The following MLLT3 variants were observed in gnomAD, a reference collection of about 807,000 sequenced individuals.
The protein encoded by MLLT3 is protein AF-9.
MLLT3 carries 4 observed loss-of-function variants against 53.2 expected under a neutral mutation model. The observed-to-expected ratio is 0.08, with a 90% confidence interval of 0.04 to 0.17. MLLT3 has a LOEUF of 0.17. Ranked by LOEUF, MLLT3 falls within the 10% of genes least tolerant of loss-of-function variation. The pLI is 1.00. For missense variants in MLLT3, 569 were observed against 684.0 expected (o/e 0.83, Z 1.87); for synonymous variants, 283 against 230.6 (o/e 1.23, Z -2.06).
Position 20,346,498 on chromosome 9 carries a change from T to G in MLLT3, c.1652A>C (p.Asp551Ala). Reference sequence around the variant, plus strand: ...CTGTAGTTTACGGACTGTGGTTTTGTCCAGCGAGCAAAGATCAAAATCAAA... The same window carrying G: ...CTGTAGTTTACGGACTGTGGTTTTGGCCAGCGAGCAAAGATCAAAATCAAA... Reference protein sequence around the residue: ...TTFDFDLCSLDKTTVRKLQSY... With the variant: ...TTFDFDLCSLAKTTVRKLQSY... The change falls in exon 11 of 11, where the codon GAC becomes GCC. Residue 551 changes from aspartate to alanine, a missense_variant. Transcript: ENST00000380338. 1 of 1,613,806 alleles carries G rather than the reference T, an allele frequency of 6.2e-7. No individual in the cohort carries two copies. The highest frequency in any genetic ancestry group is 8.5e-7 in the Non-Finnish European group (1 of 1,179,780).
intron 2 of MLLT3, among the ~76,000 whole-genome samples, chr9:20,520,475 G>C (rs1024077056): frequency 1.3e-5 from 2 of 152,156 alleles, no homozygotes; most frequent in African/African-American, 4.8e-5. Context: ...TACCAGCTAA[G>C]TTCCATCCTA....
intron 2 of MLLT3, among the ~76,000 whole-genome samples, chr9:20,509,907 C>A (rs747456288): frequency 3.2e-4 from 48 of 149,756 alleles, no homozygotes; most frequent in Non-Finnish European, 6.2e-4. Flanking sequence ...CCACCACTTA[C>A]AAACTTAGGC....
chr9:20,506,588 C>G (rs1825387087), intron 2 of MLLT3, among the ~76,000 whole-genome samples: 1 of 151,980 alleles, frequency 6.6e-6, no homozygotes, highest in African/African-American at 2.4e-5. Context: ...TTATGCATTC[C>G]AAATCACATG....
intron 2 of MLLT3, among the ~76,000 whole-genome samples, chr9:20,529,810 T>C (rs1460998273): frequency 6.8e-6 from 1 of 147,078 alleles, no homozygotes; most frequent in Non-Finnish European, 1.5e-5. Context: ...CCTTTAACAA[T>C]TCCCCTGCCT....
intron 2 of MLLT3, among the ~76,000 whole-genome samples, chr9:20,491,612 G>T (rs183276644): frequency 2.8e-4 from 42 of 152,188 alleles, no homozygotes; most frequent in Admixed American, 2.0e-3. Context: ...AATTTAAAAA[G>T]AATTTGAGTT....
chr9:20,617,353 A>G (rs1243796516), intron 2 of MLLT3, among the ~76,000 whole-genome samples: 1 of 152,190 alleles, frequency 6.6e-6, no homozygotes, highest in African/African-American at 2.4e-5. Flanking sequence ...GTTAGAGTGG[A>G]TTTATTAAGC....
At chr9:20,471,816 T>C (rs1446432293) in intron 2 of MLLT3, among the ~76,000 whole-genome samples, 1 of 150,818 alleles carries the variant, frequency 6.6e-6, no homozygotes, top group Non-Finnish European at 1.5e-5. Context: ...ATTCTGCCCC[T>C]AAGGATGTCA....
chr9:20,617,313 A>C (rs1427919251), intron 2 of MLLT3, among the ~76,000 whole-genome samples: 1 of 152,218 alleles, frequency 6.6e-6, no homozygotes, highest in African/African-American at 2.4e-5. Context: ...CTATGCAGTA[A>C]AGCTGGCCTC....
chr9:20,420,345 G>A (rs1460396008), intron 4 of MLLT3, among the ~76,000 whole-genome samples: 1 of 152,092 alleles, frequency 6.6e-6, no homozygotes, highest in Non-Finnish European at 1.5e-5. Flanking sequence ...ATCAGATAAA[G>A]GCTGTTACAA....
chr9:20,402,217 A>G (rs1379902332), intron 5 of MLLT3, among the ~76,000 whole-genome samples: 1 of 152,186 alleles, frequency 6.6e-6, no homozygotes, highest in Non-Finnish European at 1.5e-5. Flanking sequence ...CTACATTAGG[A>G]TCTGGAAGGC....
chr9:20,519,471 A>C (rs1818001504), intron 2 of MLLT3, among the ~76,000 whole-genome samples: 1 of 152,204 alleles, frequency 6.6e-6, no homozygotes, highest in East Asian at 1.9e-4. Flanking sequence ...GGCCATATTA[A>C]GAGCCATATA....
At position 20,365,823 on chromosome 9, in the gene MLLT3, T is replaced by C. The variant is rs1489756870; in HGVS notation, c.1126-79A>G. 3.5e-6 allele frequency: 5 copies of C among 1,436,742 alleles called. No individual in the cohort carries two copies. In the Admixed American group the frequency reaches 7.3e-5, roughly 21 times the overall value. 89.0% of individuals were successfully genotyped at this position (1,436,742 alleles called of 1,614,324 possible). On this transcript the variant is annotated intron_variant, in intron 5 of 10. Transcript: ENST00000380338. ...CTAAAGTTGAAAACAGTATTGTTGC[T>C]CAAACCATCCTCTGCAAAAACCGTG...
At chr9:20,563,415 A>G (rs2131154635) in intron 2 of MLLT3, among the ~76,000 whole-genome samples, 1 of 152,138 alleles carries the variant, frequency 6.6e-6, no homozygotes, top group Non-Finnish European at 1.5e-5. Context: ...CATATATTTG[A>G]CAAATAATAA....
intron 5 of MLLT3, among the ~76,000 whole-genome samples, chr9:20,399,388 A>T (rs1279591689): frequency 6.6e-6 from 1 of 152,190 alleles, no homozygotes; most frequent in East Asian, 1.9e-4. Flanking sequence ...GCCAGGGACC[A>T]TGCAAAGAGC....
At chr9:20,585,106 TA>T (rs1048338027) in intron 2 of MLLT3, among the ~76,000 whole-genome samples, 9 of 152,212 alleles carry the variant, frequency 5.9e-5, no homozygotes, top group African/African-American at 2.2e-4. Flanking sequence ...GGTGGCTTAG[TA>T]ATTTGTTTCT....
At chr9:20,428,176 A>C (rs1563962028) in intron 4 of MLLT3, among the ~76,000 whole-genome samples, 1 of 152,062 alleles carries the variant, frequency 6.6e-6, no homozygotes, top group South Asian at 2.1e-4. Flanking sequence ...ACAATAGAAA[A>C]ATATTTTCAA....
At chr9:20,409,657 C>T (rs1461253059) in intron 5 of MLLT3, among the ~76,000 whole-genome samples, 1 of 152,068 alleles carries the variant, frequency 6.6e-6, no homozygotes, top group East Asian at 1.9e-4. Context: ...CAAAAACATT[C>T]CCCTATCATG....
Position 20,575,977 on chromosome 9 carries a change from G to A in MLLT3, c.193+44677C>T, listed in dbSNP as rs538559957. Among the ~76,000 whole-genome samples, 6 of 152,206 alleles carry A rather than the reference G, an allele frequency of 3.9e-5. No homozygotes were observed. The East Asian group carries it at 5.8e-4, about 15-fold the overall frequency. ...TCCTAGATAACATCTTTTTCCAATC[G>A]AAGGCCGTTTCACCTACATTGAAAA... On this transcript the variant is annotated intron_variant, in intron 2 of 10. Transcript: ENST00000380338.
intron 2 of MLLT3, among the ~76,000 whole-genome samples, chr9:20,467,812 T>C (rs1824273123): frequency 6.6e-6 from 1 of 152,228 alleles, no homozygotes; most frequent in African/African-American, 2.4e-5. Flanking sequence ...TCAGAAATTA[T>C]GACTGTACCT....
Sources: gnomAD v4.1 joint callset for allele counts (sites outside exome capture counted in the v4.1 genomes callset) on GRCh38, gnomAD v4.1.1 for gene constraint, MANE v1.5 for transcripts, NCBI Gene and HGNC (gene_info 2026-07-23, HGNC 2026-07-21) for gene names.